Variants in EPM2AIP1 observed in about 807,000 individuals in gnomAD.
EPM2AIP1 encodes EPM2A interacting protein 1.
In EPM2AIP1, 23 loss-of-function variants were observed where a neutral mutation model predicts 44.8. The observed-to-expected ratio is 0.51, with a 90% CI of 0.37 to 0.73. EPM2AIP1 has a LOEUF of 0.73. Ranked by LOEUF, EPM2AIP1 falls within the 30% of genes least tolerant of loss-of-function variation. EPM2AIP1 has a pLI of 0.00. For synonymous variants in EPM2AIP1, 311 were observed against 284.3 expected (o/e 1.09, Z -0.94); for missense variants, 652 against 743.9 (o/e 0.88, Z 1.44).
Position 36,992,313 on chromosome 3 carries a change from C to T in EPM2AIP1, c.765G>A (p.Glu255=), listed in dbSNP as rs781762112. 1 of 1,613,972 alleles carries T rather than the reference C, an allele frequency of 6.2e-7. No individual in the cohort carries two copies. The highest frequency in any genetic ancestry group is 1.1e-5 in the South Asian group (1 of 91,084). ...TCATGTATGAGACGAGTCCTGAGTTCTCACCAATCATCCTCAAAGTATGGG... is the reference window on the plus strand; with the variant it reads ...TCATGTATGAGACGAGTCCTGAGTTTTCACCAATCATCCTCAAAGTATGGG... ...TTTHTLRMIG[E]NSGLVSYMRE... The change falls in exon 1 of 1, where the codon GAG becomes GAA. Residue 255 remains glutamate, a synonymous_variant. Transcript: ENST00000322716. The surrounding 1 kb of genome is among the most constrained non-coding windows in gnomAD (Gnocchi z 5.3).
chr3:36,993,101 G>A lies in EPM2AIP1; in HGVS notation c.-24C>T, dbSNP rs555634938. 6.3e-6 allele frequency: 10 copies of A among 1,576,828 alleles called. No individual in the cohort carries two copies. In the East Asian group the frequency reaches 1.6e-4, roughly 25 times the overall value. ...ATTCTGCGGGAGGCCACAAGAGCAG[G>A]GCCAACGTTAGAAAGGCCGCAAGGG... is the stretch of plus-strand genomic sequence containing the variant. On this transcript the variant is annotated 5_prime_UTR_variant, in exon 1 of 1. Transcript: ENST00000322716.
Position 36,991,798 on chromosome 3 carries a change from T to C in EPM2AIP1, c.1280A>G (p.Glu427Gly). 6.2e-7 allele frequency: 1 copy of C among 1,613,378 alleles called. No homozygotes were observed. ...VKLNLFQRHI[E>G]EKNLTDFPAL... ...AGGAAAGTCTGTTAGATTTTTTTCC[T>C]CAATATGTCTTTGAAATAAATTCAG... The change falls in exon 1 of 1, where the codon GAG becomes GGG. Residue 427 changes from glutamate to glycine, a missense_variant. Coordinates refer to ENST00000322716, the MANE Select transcript of EPM2AIP1 (RefSeq NM_014805.4).
rs902427728 is a variant in EPM2AIP1 at position 36,991,151 on chromosome 3, G to C, written c.*103C>G. On this transcript the variant is annotated 3_prime_UTR_variant, in exon 1 of 1. Transcript: ENST00000322716. ...TGATCAGTTTGGACGGCTGGTACTT[G>C]GTACTTTCTCACAATCCAAATTAGT... 3 of 1,470,034 alleles carry C rather than the reference G, an allele frequency of 2.0e-6. No individual in the cohort carries two copies. Among genetic ancestry groups the C allele is most frequent in the African/African-American group, 2.8e-5 (2 of 71,242 alleles). The allele number at this position is 1,470,034 out of a possible 1,614,324, so 91.1% of individuals were successfully genotyped here. A position where few individuals can be genotyped will look rare whatever the true frequency, so the allele number is the denominator to read the frequency against.
In EPM2AIP1 at chr3:36,990,214, TGTGTAC is replaced by T. The variant is rs2125688090; in HGVS notation, c.*1034_*1039del. On this transcript the variant is annotated 3_prime_UTR_variant, in exon 1 of 1. Coordinates refer to ENST00000322716, the MANE Select transcript of EPM2AIP1 (RefSeq NM_014805.4). ...CTTGTGTGCTATCTTACATATAGAA[TGTGTAC>T]GACAGTTCCAAATTTTAGAATAAAT... The T allele has an allele frequency of 6.3e-6, 1 of 158,006 alleles. No homozygotes were observed. The highest frequency in any genetic ancestry group is 2.4e-5 in the African/African-American group (1 of 41,676). The allele number at this position is 158,006 out of a possible 1,614,324, so 9.8% of individuals were successfully genotyped here. A position where few individuals can be genotyped will look rare whatever the true frequency, so the allele number is the denominator to read the frequency against.
rs376645657 is a variant in EPM2AIP1 at position 36,993,100 on chromosome 3, G to A, written c.-23C>T. Reference sequence around the variant, plus strand: ...CATTCTGCGGGAGGCCACAAGAGCAGGGCCAACGTTAGAAAGGCCGCAAGG... The same window carrying A: ...CATTCTGCGGGAGGCCACAAGAGCAAGGCCAACGTTAGAAAGGCCGCAAGG... On this transcript the variant is annotated 5_prime_UTR_variant, in exon 1 of 1. Transcript: ENST00000322716. 38 of 1,578,426 alleles carry A rather than the reference G, an allele frequency of 2.4e-5. 1 individual carries two copies. The South Asian group carries it at 3.2e-4, about 13-fold the overall frequency.
At position 36,992,477 on chromosome 3, in the gene EPM2AIP1, C is replaced by T; in HGVS notation, c.601G>A (p.Glu201Lys). 6.2e-7 allele frequency: 1 copy of T among 1,613,996 alleles called. No individual in the cohort carries two copies. Among genetic ancestry groups the T allele is most frequent in the African/African-American group, 1.3e-5 (1 of 75,036 alleles). The change falls in exon 1 of 1, where the codon GAG (glutamate) becomes AAG (lysine). Residue 201 changes from glutamate to lysine, a missense_variant. Glu to Lys is a moderately conservative substitution (Grantham distance 56). Transcript: ENST00000322716. The surrounding 1 kb of genome is among the most constrained non-coding windows in gnomAD (Gnocchi z 5.3). ...AGAAGATCTTCTTGCACCTCCAACTCAGGGCCTACACCGCGGATAAAGACC... is the reference window on the plus strand; with the variant it reads ...AGAAGATCTTCTTGCACCTCCAACTTAGGGCCTACACCGCGGATAAAGACC... ...LLVFIRGVGP[E>K]LEVQEDLLTI...
chr3:36,990,122 C>T lies in EPM2AIP1; in HGVS notation c.*1132G>A, dbSNP rs1302186281. On this transcript the variant is annotated 3_prime_UTR_variant, in exon 1 of 1. Coordinates refer to ENST00000322716, the MANE Select transcript of EPM2AIP1 (RefSeq NM_014805.4). Reference sequence around the variant, plus strand: ...TGGAAATTACTGTTTTGGCACAAAGCAGATTATCTTAGTAGAAATACAGAA... The same window carrying T: ...TGGAAATTACTGTTTTGGCACAAAGTAGATTATCTTAGTAGAAATACAGAA... 1 of 152,246 alleles carries T rather than the reference C, an allele frequency of 6.6e-6. No homozygotes were observed. The highest frequency in any genetic ancestry group is 2.4e-5 in the African/African-American group (1 of 41,426). 9.4% of individuals were successfully genotyped at this position (152,246 alleles called of 1,614,324 possible). A position where few individuals can be genotyped will look rare whatever the true frequency, so the allele number is the denominator to read the frequency against.
chr3:36,992,331 A>C lies in EPM2AIP1; in HGVS notation c.747T>G (p.Thr249=). Residue 249 remains threonine (T), a synonymous_variant, in exon 1 of 1, where the codon ACT becomes ACG. Transcript: ENST00000322716. This position sits in a 1 kb window ranked among gnomAD's most constrained non-coding sequence, Gnocchi z 5.3. ...QRMVGLTTTH[T]LRMIGENSGL... ...CTGAGTTCTCACCAATCATCCTCAA[A>C]GTATGGGTCGTGGTCAGTCCAACCA... 1 of 1,613,934 alleles carries C rather than the reference A, an allele frequency of 6.2e-7. No homozygotes were observed. The highest frequency in any genetic ancestry group is 1.1e-5 in the South Asian group (1 of 91,082).
chr3:36,990,978 T>C lies in EPM2AIP1; in HGVS notation c.*276A>G, dbSNP rs952087421. ...AACAGACTGCAAATTCAACTCACATTAATACTAAATCTCTTTAAAATTAAC... is the reference window on the plus strand; with the variant it reads ...AACAGACTGCAAATTCAACTCACATCAATACTAAATCTCTTTAAAATTAAC... On this transcript the variant is annotated 3_prime_UTR_variant, in exon 1 of 1. Transcript: ENST00000322716. 7 of 1,092,920 alleles carry C rather than the reference T, an allele frequency of 6.4e-6. No homozygotes were observed. The highest frequency in any genetic ancestry group is 7.8e-6 in the Non-Finnish European group (7 of 897,578). The allele number at this position is 1,092,920 out of a possible 1,614,324, so 67.7% of individuals were successfully genotyped here.
At position 36,991,097 on chromosome 3, in the gene EPM2AIP1, A is replaced by G; in HGVS notation, c.*157T>C. On this transcript the variant is annotated 3_prime_UTR_variant, in exon 1 of 1. Transcript: ENST00000322716. The stretch of plus-strand genomic sequence containing the variant: ...GTCCCATGCTGCCATTTGAGATGAA[A>G]AAAAAGGCAACTGTCAGAATTTTAA... 7.5e-7 allele frequency: 1 copy of G among 1,341,774 alleles called. No individual in the cohort carries two copies. The highest frequency in any genetic ancestry group is 9.6e-7 in the Non-Finnish European group (1 of 1,045,208). 83.1% of individuals were successfully genotyped at this position (1,341,774 alleles called of 1,614,324 possible). A position where few individuals can be genotyped will look rare whatever the true frequency, so the allele number is the denominator to read the frequency against.
rs769929150 is a variant in EPM2AIP1 at position 36,991,257 on chromosome 3, T to C, written c.1821A>G (p.Pro607=). ...TTCAATCTTGTACTACAAAGCCTTA[T>C]GGATTAGATTCATTTCTTTCTCTCA... The part of the protein sequence containing the change: ...DLVRERNESN[P] Residue 607 remains proline, a synonymous_variant, in exon 1 of 1, where the codon CCA becomes CCG. Coordinates refer to ENST00000322716, the MANE Select transcript of EPM2AIP1 (RefSeq NM_014805.4). 15 of 1,595,398 alleles carry C rather than the reference T, an allele frequency of 9.4e-6. No homozygotes were observed. The highest frequency in any genetic ancestry group is 8.9e-5 in the South Asian group (8 of 89,910).
rs926073751 is a variant in EPM2AIP1, at chr3:36,987,279, G to C, written c.*3975C>G. Reference sequence around the variant, plus strand: ...TAGCATGCCATTTTCTCCTAGTGTTGATGCCTACAAAAGGAAAAATGATTA... The same window carrying C: ...TAGCATGCCATTTTCTCCTAGTGTTCATGCCTACAAAAGGAAAAATGATTA... On this transcript the variant is annotated 3_prime_UTR_variant, in exon 1 of 1. Coordinates refer to ENST00000322716, the MANE Select transcript of EPM2AIP1 (RefSeq NM_014805.4). 1 of 152,464 alleles carries C rather than the reference G, an allele frequency of 6.6e-6. No individual in the cohort carries two copies. The allele number at this position is 152,464 out of a possible 1,614,324, so 9.4% of individuals were successfully genotyped here.
chr3:36,988,802 G>C lies in EPM2AIP1; in HGVS notation c.*2452C>G, dbSNP rs777551847. ...TACAAATCTGTCAAGAAAACTAGTA[G>C]GAATGAGCTATAGGACAGTAACTGG... On this transcript the variant is annotated 3_prime_UTR_variant, in exon 1 of 1. Transcript: ENST00000322716. 1 of 151,478 alleles carries C rather than the reference G, an allele frequency of 6.6e-6. No individual in the cohort carries two copies. Among genetic ancestry groups the C allele is most frequent in the Non-Finnish European group, 1.5e-5 (1 of 67,910 alleles). 9.4% of individuals were successfully genotyped at this position (151,478 alleles called of 1,614,324 possible).
rs887470211 is a variant in EPM2AIP1, at chr3:36,985,619, C to T, written c.*5635G>A. 6.6e-6 allele frequency: 1 copy of T among 152,170 alleles called. No individual in the cohort carries two copies. Among genetic ancestry groups the T allele is most frequent in the Non-Finnish European group, 1.5e-5 (1 of 68,036 alleles). The allele number at this position is 152,170 out of a possible 1,614,324, so 9.4% of individuals were successfully genotyped here. A position where few individuals can be genotyped will look rare whatever the true frequency, so the allele number is the denominator to read the frequency against. On this transcript the variant is annotated 3_prime_UTR_variant, in exon 1 of 1. Coordinates refer to ENST00000322716, the MANE Select transcript of EPM2AIP1 (RefSeq NM_014805.4). ...GGCCAATGAAAGTCCTTTAAGAGTC[C>T]TTAAGTGATTTGCCATACTCTTTTT...
chr3:36,992,626 CTTGTGATATCTGGAGA>C lies in EPM2AIP1; in HGVS notation c.436_451del (p.Ser146GlyfsTer5). 1 of 1,614,042 alleles carries C rather than the reference CTTGTGATATCTGGAGA, an allele frequency of 6.2e-7. No homozygotes were observed. Among genetic ancestry groups the C allele is most frequent in the Non-Finnish European group, 8.5e-7 (1 of 1,179,896 alleles). ...CCTGTCAATGCTCAGGATCCTCTGC[CTTGTGATATCTGGAGA>C]TAAGTCAACGCCTTGCAGGACGCTT... is the stretch of plus-strand genomic sequence containing the variant. On this transcript the variant is annotated frameshift_variant, in exon 1 of 1. Coordinates refer to ENST00000322716, the MANE Select transcript of EPM2AIP1 (RefSeq NM_014805.4). LOFTEE classifies it high-confidence loss of function. This position sits in a 1 kb window ranked among gnomAD's most constrained non-coding sequence, Gnocchi z 5.3.
Position 36,992,228 on chromosome 3 carries a change from A to G in EPM2AIP1, c.850T>C (p.Leu284=), listed in dbSNP as rs776803768. Residue 284 remains leucine, a synonymous_variant, in exon 1 of 1, where the codon TTG becomes CTG. Transcript: ENST00000322716. This position sits in a 1 kb window ranked among gnomAD's most constrained non-coding sequence, Gnocchi z 5.3. ...NVIHYSGFLH[L]ELLSSYDVDV... The stretch of plus-strand genomic sequence containing the variant: ...ACATCATAGGAGCTCAACAGTTCCA[A>G]GTGAAGAAATCCTGAATAATGAATG... The G allele has an allele frequency of 1.5e-5, 24 of 1,614,050 alleles. No individual in the cohort carries two copies. Among genetic ancestry groups the G allele is most frequent in the Non-Finnish European group, 1.5e-5 (18 of 1,179,900 alleles).
rs2080814327 is a variant in EPM2AIP1 at position 36,991,836 on chromosome 3, A to G, written c.1242T>C (p.Thr414=). ...GAAATAAATTCAGCTTAACTTCGAA[A>G]GTACAAATATGGTCAAAGGCAGCAG... The part of the protein sequence containing the change: ...FAAAAFDHIC[T]FEVKLNLFQR... Residue 414 remains threonine, a synonymous_variant, in exon 1 of 1, where the codon ACT becomes ACC. Transcript: ENST00000322716. 2 of 1,613,118 alleles carry G rather than the reference A, an allele frequency of 1.2e-6. No homozygotes were observed. The highest frequency in any genetic ancestry group is 1.7e-6 in the Non-Finnish European group (2 of 1,179,660).
rs887690430 is a variant in EPM2AIP1, at chr3:36,985,489, T to C, written c.*5765A>G. 3.9e-5 allele frequency: 6 copies of C among 152,244 alleles called. No individual in the cohort carries two copies. The highest frequency in any genetic ancestry group is 1.4e-4 in the African/African-American group (6 of 41,464). 9.4% of individuals were successfully genotyped at this position (152,244 alleles called of 1,614,324 possible). A position where few individuals can be genotyped will look rare whatever the true frequency, so the allele number is the denominator to read the frequency against. Reference sequence around the variant, plus strand: ...TTGGAAGAAAGCATATAAATGAAGATGTTAATCAGTGGTGTTGTCTTCCAA... The same window carrying C: ...TTGGAAGAAAGCATATAAATGAAGACGTTAATCAGTGGTGTTGTCTTCCAA... On this transcript the variant is annotated 3_prime_UTR_variant, in exon 1 of 1. Coordinates refer to ENST00000322716, the MANE Select transcript of EPM2AIP1 (RefSeq NM_014805.4).
rs201445268 is a variant in EPM2AIP1, at chr3:36,990,442, TAAAAA to T, written c.*807_*811del. ...GATAGGGCCAAACTTGTGTCTACAG[TAAAAA>T]AAAAAAAAAAAAGAATTACTAACTG... On this transcript the variant is annotated 3_prime_UTR_variant, in exon 1 of 1. Coordinates refer to ENST00000322716, the MANE Select transcript of EPM2AIP1 (RefSeq NM_014805.4). 8.5e-5 allele frequency: 78 copies of T among 919,856 alleles called. No individual in the cohort carries two copies. Among genetic ancestry groups the T allele is most frequent in the East Asian group, 1.4e-4 (1 of 7,254 alleles). The allele number at this position is 919,856 out of a possible 1,614,324, so 57.0% of individuals were successfully genotyped here. A position where few individuals can be genotyped will look rare whatever the true frequency, so the allele number is the denominator to read the frequency against.
Sources: gnomAD v4.1 joint callset for allele counts on GRCh38, gnomAD v4.1.1 for gene constraint, Gnocchi (gnomAD v3.1) non-coding constraint, MANE v1.5 for transcripts, NCBI Gene and HGNC (gene_info 2026-07-23, HGNC 2026-07-21) for gene names.